SYNE1: variants seen among roughly 807,000 people sequenced by gnomAD.
SYNE1 encodes spectrin repeat containing nuclear envelope protein 1, also known as nesprin-1.
Under a neutral mutation model 1,111.0 loss-of-function variants are expected in SYNE1, and 616 were observed. The ratio of observed to expected loss-of-function variants is 0.55; its 90% CI spans 0.52 to 0.59. The LOEUF (loss-of-function observed/expected upper bound fraction) is 0.59, where lower values mean the gene tolerates loss of function less well. Ranked by LOEUF, SYNE1 falls within the 20% of genes least tolerant of loss-of-function variation. The pLI, the probability that SYNE1 is intolerant of heterozygous loss-of-function variation, is 0.00. For synonymous variants in SYNE1, 3,855 were observed against 3,825.8 expected, an observed-to-expected ratio of 1.01 and a Z score of -0.28; for missense variants, 10,006 against 10,417.0, an observed-to-expected ratio of 0.96 and a Z score of 1.72.
intron 3 of SYNE1, among the ~76,000 whole-genome samples, chr6:152,606,941 A>C (rs2128736750): frequency 7.0e-6 from 1 of 142,934 alleles, no homozygotes; most frequent in Admixed American, 7.1e-5. Context: ...GGCGTGAGCC[A>C]CCGCGCCCGG....
At chr6:152,503,726 G>A (rs993773437) in intron 9 of SYNE1, among the ~76,000 whole-genome samples, 2 of 152,138 alleles carry the variant, frequency 1.3e-5, no homozygotes, top group Non-Finnish European at 2.9e-5. Context: ...AAAAGGAAGC[G>A]AAGATAATGT....
chr6:152,357,909 C>A (rs562549422), intron 66 of SYNE1, among the ~76,000 whole-genome samples: 2 of 152,130 alleles, frequency 1.3e-5, no homozygotes, highest in East Asian at 3.9e-4. Context: ...TTCTGTAATT[C>A]CTTCTTCTAG....
Position 152,330,149 on chromosome 6 carries a change from G to C in SYNE1, c.14536C>G (p.Leu4846Val), listed in dbSNP as rs757647899. 1.1e-4 allele frequency: 174 copies of C among 1,614,104 alleles called. No individual in the cohort carries two copies. The highest frequency in any genetic ancestry group is 1.4e-4 in the Non-Finnish European group (168 of 1,180,050). ...GCTTTCTCATAAGCCAAGGGGTCAA[G>C]GTGTGGGGCAAGATCTTCAAGATGT... is the stretch of plus-strand genomic sequence containing the variant. ...TIHLEDLAPHLDPLAYEKARH... is the reference protein window; with the variant it reads ...TIHLEDLAPHVDPLAYEKARH... Residue 4846 changes from leucine (L) to valine (V), a missense_variant, in exon 78 of 146, where the codon CTT (leucine) becomes GTT (valine). By Grantham distance (32) the Leu-to-Val change is conservative. Transcript: ENST00000367255.
intron 6 of SYNE1, chr6:152,511,495 T>C: frequency 7.2e-7 from 1 of 1,379,316 alleles, no homozygotes; most frequent in South Asian, 1.2e-5. Context: ...TGAAGTTTGT[T>C]ACCAAATAGC....
chr6:152,175,322 A>G (rs556495181), intron 130 of SYNE1, among the ~76,000 whole-genome samples: 251 of 152,382 alleles, frequency 1.6e-3, no homozygotes, highest in African/African-American at 5.8e-3. Context: ...TAGAAAAGAA[A>G]TATATCCAAT....
chr6:152,460,702 C>T (rs1337973991), intron 21 of SYNE1, among the ~76,000 whole-genome samples: 1 of 151,492 alleles, frequency 6.6e-6, no homozygotes, highest in East Asian at 1.9e-4. Flanking sequence ...ACTTCCAAAG[C>T]TCTTAAGGAA....
At chr6:152,407,343 A>T (rs2097916007) in intron 44 of SYNE1, 147 bp from the exon 45 acceptor site, 1 of 761,288 alleles carries the variant, frequency 1.3e-6, no homozygotes, top group Admixed American at 2.1e-5. Flanking sequence ...TAATAAGTGC[A>T]CCCAACTCAC....
Position 152,284,637 on chromosome 6 carries a change from TA to T in SYNE1, c.18013-466del, listed in dbSNP as rs1418140428. Among the ~76,000 whole-genome samples, 593 of 140,140 alleles carry T rather than the reference TA, an allele frequency of 4.2e-3. 8 individuals are homozygous for T. Among genetic ancestry groups the T allele is most frequent in the African/African-American group, 0.012 (447 of 36,980 alleles). 91.9% of individuals were successfully genotyped at this position (140,140 alleles called of 152,430 possible). ...TTTTTTTTTTTTTTTTTTTTTTTTTTACTTTTTGTAAAGACAGGATCATGCT... is the reference window on the plus strand; with the variant it reads ...TTTTTTTTTTTTTTTTTTTTTTTTTTCTTTTTGTAAAGACAGGATCATGCT... On this transcript the variant is annotated intron_variant, in intron 95 of 145. Transcript: ENST00000367255.
rs1194007387 is a variant in SYNE1, at chr6:152,278,155, C to T, written c.18507G>A (p.Leu6169=). The change falls in exon 98 of 146, where the codon CTG becomes CTA. Residue 6169 remains leucine (L), a synonymous_variant. Transcript: ENST00000367255. ...CCAGCAGGCTCCCCTTGAGCCTTCT[C>T]AGCTTTCCAGCCAGCTGCTCGGCCT... ...KDEAEQLAGK[L]RRLKGSLLEL... 12 of 1,614,158 alleles carry T rather than the reference C, an allele frequency of 7.4e-6. No individual in the cohort carries two copies. Among genetic ancestry groups the T allele is most frequent in the Non-Finnish European group, 9.3e-6 (11 of 1,180,050 alleles).
intron 63 of SYNE1, chr6:152,363,866 T>C: frequency 2.3e-6 from 1 of 428,400 alleles, no homozygotes; most frequent in South Asian, 1.7e-5. Context: ...TAACTGGGGC[T>C]CACACTGTAT....
rs1368242523 is a variant in SYNE1, at chr6:152,449,574, T to C, written c.3463A>G (p.Ile1155Val). Residue 1155 changes from isoleucine to valine, a missense_variant, in exon 28 of 146, where the codon ATC becomes GTC. This residue lies in a region of SYNE1 where 1,971 missense variants were observed against 2,084.1 expected (regional missense o/e 0.95). Transcript: ENST00000367255. ...TQLKGIKGEA[I>V]DTANHGEVKR... ...ACCTCTCCGTGGTTGGCAGTATCGA[T>C]GGCCTCACCCTTGATCCCCTTTAAT... 1 of 1,614,184 alleles carries C rather than the reference T, an allele frequency of 6.2e-7. No individual in the cohort carries two copies. Among genetic ancestry groups the C allele is most frequent in the Non-Finnish European group, 8.5e-7 (1 of 1,180,022 alleles).
chr6:152,358,531 C>G lies in SYNE1; in HGVS notation c.10450G>C (p.Val3484Leu). The G allele has an allele frequency of 6.2e-7, 1 of 1,614,050 alleles. No individual in the cohort carries two copies. Among genetic ancestry groups the G allele is most frequent in the Non-Finnish European group, 8.5e-7 (1 of 1,179,978 alleles). Reference sequence around the variant, plus strand: ...CGGACAAGTTTTTCAGACTTGGTTACGGCTTCCTATAATTAGCATTTAAAA... The same window carrying G: ...CGGACAAGTTTTTCAGACTTGGTTAGGGCTTCCTATAATTAGCATTTAAAA... ...RAIQERAKEAVTKSEKLVRLH... is the reference protein window; with the variant it reads ...RAIQERAKEALTKSEKLVRLH... Residue 3484 changes from valine to leucine, a missense_variant, in exon 66 of 146, where the codon GTA (valine) becomes CTA (leucine). By Grantham distance (32) the Val-to-Leu change is conservative. Around this residue, in one of 7 missense-constraint regions of SYNE1, gnomAD observed 4,955 missense variants for 5,017.2 expected, o/e 0.99. Coordinates refer to ENST00000367255, the MANE Select transcript of SYNE1 (RefSeq NM_182961.4).
At position 152,214,926 on chromosome 6, in the gene SYNE1, A is replaced by G; in HGVS notation, c.22326T>C (p.Ser7442=). 1 of 1,614,138 alleles carries G rather than the reference A, an allele frequency of 6.2e-7. No homozygotes were observed. Among genetic ancestry groups the G allele is most frequent in the Non-Finnish European group, 8.5e-7 (1 of 1,180,006 alleles). Residue 7442 remains serine, a synonymous_variant, in exon 122 of 146, where the codon TCT becomes TCC. Transcript: ENST00000367255. ...TCTACCTGAATCTTTCTGTAGTCTG[A>G]GAGGAGATCAGAGACCAATGGCGGT... ...NLNRHWSLIS[S]QTTERFSKLQ...
chr6:152,435,793 C>A (rs1029487254), intron 33 of SYNE1, 148 bp downstream of exon 33: 1 of 989,034 alleles, frequency 1.0e-6, no homozygotes, highest in Non-Finnish European at 1.5e-6. Context: ...GCGATACTTT[C>A]TTTTGAACTG....
intron 95 of SYNE1, among the ~76,000 whole-genome samples, chr6:152,291,115 G>A (rs3963305): frequency 0.037 from 4,050 of 109,988 alleles, 218 homozygotes; most frequent in African/African-American, 0.056. Context: ...ATTAATATAT[G>A]CAATTATATT....
chr6:152,353,537 T>A, intron 68 of SYNE1, 52 bp downstream of exon 68: 3 of 1,613,974 alleles, frequency 1.9e-6, no homozygotes, highest in South Asian at 2.2e-5. Flanking sequence ...GGAAGGCTAT[T>A]TTGGCTGGCG....
chr6:152,354,703 G>C lies in SYNE1; in HGVS notation c.10882C>G (p.Gln3628Glu), dbSNP rs775592826. The change falls in exon 67 of 146, where the codon CAG becomes GAG. Residue 3628 changes from glutamine (Q) to glutamate (E), a missense_variant. Transcript: ENST00000367255. The stretch of plus-strand genomic sequence containing the variant: ...ATCTCCTTGGTTGCCCTGTTAGACT[G>C]ACGTCTGGTCCTGGGACTAACTTTC... The part of the protein sequence containing the change: ...EEKVSPRTRR[Q>E]SNRATKEIQL... The C allele has an allele frequency of 6.2e-7, 1 of 1,614,212 alleles. No individual in the cohort carries two copies. The highest frequency in any genetic ancestry group is 1.7e-5 in the Admixed American group (1 of 60,030).
intron 8 of SYNE1, among the ~76,000 whole-genome samples, chr6:152,506,199 A>G (rs2099057443): frequency 6.6e-6 from 1 of 152,210 alleles, no homozygotes; most frequent in Admixed American, 6.5e-5. Flanking sequence ...AGGCAAGCTC[A>G]CAATGAATGA....
At position 152,149,950 on chromosome 6, in the gene SYNE1, CAG is replaced by C. The variant is rs981923623; in HGVS notation, c.24451-284_24451-283del. Among the ~76,000 whole-genome samples, 17 of 152,278 alleles carry C rather than the reference CAG, an allele frequency of 1.1e-4. No homozygotes were observed. The East Asian group carries it at 1.7e-3, about 16-fold the overall frequency. ...CACAGGTAGTGTGGGTAGAGAATAACAGGGGAAAATATTCAAACCCACCGTAA... is the reference window on the plus strand; with the variant it reads ...CACAGGTAGTGTGGGTAGAGAATAACGGGAAAATATTCAAACCCACCGTAA... On this transcript the variant is annotated intron_variant, in intron 135 of 145. Transcript: ENST00000367255.
Sources: gnomAD v4.1 joint callset for allele counts (sites outside exome capture counted in the v4.1 genomes callset) on GRCh38, gnomAD v4.1.1 for gene constraint, gnomAD v4.1.1 regional missense constraint, MANE v1.5 for transcripts, NCBI Gene and HGNC (gene_info 2026-07-23, HGNC 2026-07-21) for gene names.